ELMO1: variants seen among roughly 807,000 people sequenced by gnomAD.
The protein encoded by ELMO1 is engulfment and cell motility protein 1.
In ELMO1, 26 loss-of-function variants were observed where a neutral mutation model predicts 98.9. That is an observed-to-expected ratio of 0.26 (90% CI 0.19 to 0.36). The LOEUF is 0.36. Ranked by LOEUF, ELMO1 falls within the 10% of genes least tolerant of loss-of-function variation. The pLI, the probability that ELMO1 is intolerant of heterozygous loss-of-function variation, is 1.00. For missense variants in ELMO1, 627 were observed against 935.2 expected (o/e 0.67, Z 4.30); for synonymous variants, 346 against 346.0 (o/e 1.00, Z 0.00).
At chr7:37,282,849 A>T (rs1314133356) in intron 4 of ELMO1, among the ~76,000 whole-genome samples, 1 of 152,158 alleles carries the variant, frequency 6.6e-6, no homozygotes, top group Non-Finnish European at 1.5e-5. Flanking sequence ...TACTTTTTTC[A>T]TGCTCCTAAG....
chr7:37,310,308 A>C (rs1299282911), intron 4 of ELMO1, among the ~76,000 whole-genome samples: 1 of 152,244 alleles, frequency 6.6e-6, no homozygotes, highest in Non-Finnish European at 1.5e-5. Context: ...AATCTCAATT[A>C]TCCACAAGCA....
At chr7:37,016,626 G>A (rs1198384188) in intron 15 of ELMO1, among the ~76,000 whole-genome samples, 2 of 152,170 alleles carry the variant, frequency 1.3e-5, no homozygotes, top group African/African-American at 4.8e-5. Context: ...CACAGCAAGT[G>A]CGTAGCCAGT....
intron 1 of ELMO1, among the ~76,000 whole-genome samples, chr7:37,397,365 T>A (rs1208586589): frequency 6.6e-6 from 1 of 152,210 alleles, no homozygotes; most frequent in East Asian, 1.9e-4. Context: ...GATAGAAGGC[T>A]CAAGCCCATC....
intron 1 of ELMO1, among the ~76,000 whole-genome samples, chr7:37,387,577 G>C (rs950154568): frequency 1.3e-5 from 2 of 152,122 alleles, no homozygotes; most frequent in Admixed American, 1.3e-4. Flanking sequence ...GGCCTGGGGG[G>C]TTAGTACTCG....
chr7:36,856,351 T>A (rs772877654), intron 21 of ELMO1, among the ~76,000 whole-genome samples: 3 of 152,334 alleles, frequency 2.0e-5, no homozygotes, highest in Non-Finnish European at 2.9e-5. Context: ...CTGCCCAGTG[T>A]CTGGCAGCCA....
chr7:36,972,435 G>C (rs1294856097), intron 16 of ELMO1, among the ~76,000 whole-genome samples: 1 of 152,178 alleles, frequency 6.6e-6, no homozygotes, highest in Non-Finnish European at 1.5e-5. Flanking sequence ...TGGCACACTG[G>C]GTGGTTTAAA....
At chr7:36,946,828 G>A (rs1787533287) in intron 16 of ELMO1, among the ~76,000 whole-genome samples, 1 of 152,092 alleles carries the variant, frequency 6.6e-6, no homozygotes, top group Non-Finnish European at 1.5e-5. Flanking sequence ...CTATTCAAAT[G>A]ACTTAACAGT....
At chr7:36,892,656 T>A (rs1333487684) in intron 17 of ELMO1, among the ~76,000 whole-genome samples, 1 of 152,232 alleles carries the variant, frequency 6.6e-6, no homozygotes, top group East Asian at 1.9e-4. Context: ...GAAGTTAGAC[T>A]TCATGTAACC....
intron 4 of ELMO1, among the ~76,000 whole-genome samples, chr7:37,304,364 C>T (rs966569200): frequency 6.6e-5 from 10 of 151,284 alleles, no homozygotes; most frequent in East Asian, 5.8e-4. Flanking sequence ...TGTGTGTGTG[C>T]GTGTGTGTGT....
intron 15 of ELMO1, among the ~76,000 whole-genome samples, chr7:37,052,296 G>A (rs1243316856): frequency 6.6e-6 from 1 of 152,098 alleles, no homozygotes; most frequent in Non-Finnish European, 1.5e-5. Flanking sequence ...TTGTCATTTG[G>A]TGACATTTAC....
chr7:37,439,475 C>T (rs1402429884), intron 1 of ELMO1, among the ~76,000 whole-genome samples: 2 of 152,170 alleles, frequency 1.3e-5, no homozygotes, highest in African/African-American at 2.4e-5. Flanking sequence ...AACAGATTTG[C>T]CTGTTACAGC....
At chr7:37,091,386 C>A (rs769893715) in intron 15 of ELMO1, among the ~76,000 whole-genome samples, 1 of 152,172 alleles carries the variant, frequency 6.6e-6, no homozygotes, top group Non-Finnish European at 1.5e-5. Context: ...GGATTACAGG[C>A]GTGAGCTACC....
rs566717657 is a variant in ELMO1 at position 37,095,771 on chromosome 7, C to G, written c.1300+848G>C. Among the ~76,000 whole-genome samples, 7 of 152,302 alleles carry G rather than the reference C, an allele frequency of 4.6e-5. No homozygotes were observed. The South Asian group carries it at 1.2e-3, about 27-fold the overall frequency. Reference sequence around the variant, plus strand: ...ATTTCAGGCCATTATTTTAAGCTCTCGAGCAGGCAACTGAATATTTATGTT... The same window carrying G: ...ATTTCAGGCCATTATTTTAAGCTCTGGAGCAGGCAACTGAATATTTATGTT... On this transcript the variant is annotated intron_variant, in intron 15 of 21. Transcript: ENST00000310758.
chr7:37,142,289 A>T (rs1349099880), intron 13 of ELMO1, among the ~76,000 whole-genome samples: 2 of 152,242 alleles, frequency 1.3e-5, no homozygotes, highest in Non-Finnish European at 2.9e-5. Flanking sequence ...TTACACACAA[A>T]TTGATTATTT....
intron 6 of ELMO1, among the ~76,000 whole-genome samples, chr7:37,256,988 C>T (rs534708327): frequency 7.9e-5 from 12 of 152,306 alleles, no homozygotes; most frequent in African/African-American, 1.9e-4. Flanking sequence ...TTAGCATATT[C>T]ATATGCAATT....
At chr7:37,249,846 A>G (rs1795239055) in intron 6 of ELMO1, among the ~76,000 whole-genome samples, 1 of 152,232 alleles carries the variant, frequency 6.6e-6, no homozygotes, top group African/African-American at 2.4e-5. Flanking sequence ...TGGGAGGCCA[A>G]GGCAGGAGGA....
intron 15 of ELMO1, among the ~76,000 whole-genome samples, chr7:37,030,890 A>C (rs886096000): frequency 3.3e-5 from 5 of 152,158 alleles, no homozygotes; most frequent in African/African-American, 1.2e-4. Context: ...AGCTCCAGAC[A>C]ACTCCTTATT....
intron 1 of ELMO1, among the ~76,000 whole-genome samples, chr7:37,343,336 C>T (rs968410326): frequency 1.6e-4 from 24 of 151,096 alleles, no homozygotes; most frequent in African/African-American, 5.1e-4. Context: ...AATGCACCTT[C>T]GGTGGGGGGT....
At chr7:37,296,662 CCATAT>C (rs10616781) in intron 4 of ELMO1, among the ~76,000 whole-genome samples, 151,542 of 152,174 alleles carry the variant, frequency 1, 75,457 homozygotes, top group Middle Eastern at 1. Context: ...ATTCCACTTA[CCATAT>C]CATACACAAG....
Sources: allele counts gnomAD v4.1 joint callset (sites outside exome capture counted in the v4.1 genomes callset), GRCh38; gene constraint gnomAD v4.1.1; transcripts MANE v1.5; gene names NCBI Gene and HGNC (gene_info 2026-07-23, HGNC 2026-07-21).